Variants in ENAH observed in about 807,000 individuals in gnomAD.
ENAH encodes the protein protein enabled homolog.
ENAH carries 23 observed loss-of-function variants against 78.7 expected under a neutral mutation model. The ratio of observed to expected loss-of-function variants is 0.29; its 90% CI spans 0.21 to 0.41. The LOEUF is 0.41. ENAH is among the 10% of genes least tolerant of loss of function. The pLI, the probability that ENAH is intolerant of heterozygous loss-of-function variation, is 1.00. For missense variants in ENAH, 544 were observed against 691.0 expected (o/e 0.79, Z 2.39); for synonymous variants, 226 against 241.0 (o/e 0.94, Z 0.58).
chr1:225,561,619 TTAAAA>T lies in ENAH; in HGVS notation c.171+5625_171+5629del, dbSNP rs140300660. On this transcript the variant is annotated intron_variant, in intron 2 of 13. Transcript: ENST00000366843. ...CCTGGCGACAGAGTGAGATTCCGTC[TTAAAA>T]TAAAATAAAATAAAATAAAATAAAA... Among the ~76,000 whole-genome samples, 926 of 125,858 alleles carry T rather than the reference TTAAAA, an allele frequency of 7.4e-3. 10 individuals are homozygous for T. The highest frequency in any genetic ancestry group is 0.025 in the African/African-American group (811 of 32,974). 82.6% of individuals were successfully genotyped at this position (125,858 alleles called of 152,430 possible).
At chr1:225,505,996 T>A (rs367597458) in intron 11 of ENAH, among the ~76,000 whole-genome samples, 24 of 139,418 alleles carry the variant, frequency 1.7e-4, no homozygotes, top group Non-Finnish European at 1.6e-5. Context: ...AAAAAAAATC[T>A]TTTTTTCCCT....
At chr1:225,631,575 C>CAAAAAAAAAAAAAAAAAAAACAAAAAAAA (rs397939130) in intron 1 of ENAH, among the ~76,000 whole-genome samples, 1 of 71,458 alleles carries the variant, frequency 1.4e-5, no homozygotes, top group Non-Finnish European at 3.1e-5. Context: ...CACCATCTCT[C>CAAAAAAAAAAAAAAAAAAAACAAAAAAAA]AAAAAAAAAA....
intron 2 of ENAH, among the ~76,000 whole-genome samples, chr1:225,556,171 A>G (rs917188998): frequency 6.6e-6 from 1 of 152,190 alleles, no homozygotes; most frequent in African/African-American, 2.4e-5. Flanking sequence ...GATGTTATGA[A>G]CTTTCTACTG....
At chr1:225,598,835 T>C (rs1475782390) in intron 1 of ENAH, among the ~76,000 whole-genome samples, 1 of 149,476 alleles carries the variant, frequency 6.7e-6, no homozygotes, top group East Asian at 1.9e-4. Flanking sequence ...ACTACTATAA[T>C]AATATTTGAT....
chr1:225,619,205 C>T (rs566612908), intron 1 of ENAH, among the ~76,000 whole-genome samples: 11 of 152,008 alleles, frequency 7.2e-5, no homozygotes, highest in African/African-American at 2.7e-4. Context: ...TGTGATAAAT[C>T]CTGTTAAAAA....
chr1:225,527,587 T>C (rs924800745), intron 4 of ENAH, among the ~76,000 whole-genome samples: 3 of 152,162 alleles, frequency 2.0e-5, no homozygotes, highest in Non-Finnish European at 2.9e-5. Flanking sequence ...CAAAAACAGA[T>C]TGTACGGGAT....
In ENAH at chr1:225,497,192, G is replaced by A. The variant is rs763619724; in HGVS notation, c.*583C>T. The A allele has an allele frequency of 4.6e-5, 7 of 152,440 alleles. No homozygotes were observed. Among genetic ancestry groups the A allele is most frequent in the African/African-American group, 7.2e-5 (3 of 41,384 alleles). The allele number at this position is 152,440 out of a possible 1,614,324, so 9.4% of individuals were successfully genotyped here. On this transcript the variant is annotated 3_prime_UTR_variant, in exon 14 of 14. Coordinates refer to ENST00000366843, the MANE Select transcript of ENAH (RefSeq NM_018212.6). ...TTCTCAAGCTGAAGAAACATTTTTCGGACACTTTCTTATAAATATTACCCT... is the reference window on the plus strand; with the variant it reads ...TTCTCAAGCTGAAGAAACATTTTTCAGACACTTTCTTATAAATATTACCCT...
chr1:225,592,791 T>C (rs1302381897), intron 1 of ENAH, among the ~76,000 whole-genome samples: 2 of 151,524 alleles, frequency 1.3e-5, no homozygotes, highest in East Asian at 1.9e-4. Context: ...TCTTGGACAT[T>C]TGTGGCTGCA....
chr1:225,617,369 C>T (rs902022646), intron 1 of ENAH, among the ~76,000 whole-genome samples: 8 of 152,066 alleles, frequency 5.3e-5, no homozygotes, highest in African/African-American at 1.9e-4. Flanking sequence ...CCACAAAAGA[C>T]GTTCTAGTAC....
chr1:225,509,622 A>G (rs919235547), intron 10 of ENAH, among the ~76,000 whole-genome samples: 1 of 152,166 alleles, frequency 6.6e-6, no homozygotes, highest in Non-Finnish European at 1.5e-5. Flanking sequence ...TGGGAAAATC[A>G]CAAGTGCCAT....
At chr1:225,546,953 C>G (rs2096616994) in intron 3 of ENAH, among the ~76,000 whole-genome samples, 1 of 152,172 alleles carries the variant, frequency 6.6e-6, no homozygotes, top group Non-Finnish European at 1.5e-5. Context: ...TTACCTGTTT[C>G]TCCCAAAGTA....
intron 1 of ENAH, among the ~76,000 whole-genome samples, chr1:225,587,531 T>C (rs1436056744): frequency 1.3e-5 from 2 of 152,170 alleles, no homozygotes; most frequent in Admixed American, 6.5e-5. Context: ...ACATATACAA[T>C]GTTCATGGAT....
chr1:225,615,500 G>A (rs1374090435), intron 1 of ENAH, among the ~76,000 whole-genome samples: 2 of 152,108 alleles, frequency 1.3e-5, no homozygotes, highest in Admixed American at 6.5e-5. Flanking sequence ...CTGCCTGGCC[G>A]CCCATTGTCT....
chr1:225,592,294 C>G (rs1483359857), intron 1 of ENAH, among the ~76,000 whole-genome samples: 3 of 152,198 alleles, frequency 2.0e-5, no homozygotes, highest in Non-Finnish European at 4.4e-5. Flanking sequence ...CTGACCAATA[C>G]AAGAATCTAA....
intron 1 of ENAH, among the ~76,000 whole-genome samples, chr1:225,575,124 C>T (rs555429907): frequency 1.3e-5 from 2 of 148,298 alleles, no homozygotes; most frequent in South Asian, 2.1e-4. Flanking sequence ...CAGAATCCTC[C>T]GTGACCCTCA....
chr1:225,562,601 A>AAC lies in ENAH; in HGVS notation c.171+4646_171+4647dup, dbSNP rs761538927. ...AAAAAAAAAAAAAAAAAAAAAAAAA[A>AAC]ACACACCCAAGCATAGTACCCATAA... On this transcript the variant is annotated intron_variant, in intron 2 of 13. Coordinates refer to ENST00000366843, the MANE Select transcript of ENAH (RefSeq NM_018212.6). 4.2e-3 allele frequency among the ~76,000 whole-genome samples: 564 copies of AAC among 133,372 alleles called. 16 individuals are homozygous for AAC. Among genetic ancestry groups the AAC allele is most frequent in the Non-Finnish European group, 6.3e-3 (396 of 62,648 alleles). The allele number at this position is 133,372 out of a possible 152,430, so 87.5% of individuals were successfully genotyped here.
Position 225,640,056 on chromosome 1 carries a change from CAGG to C in ENAH, c.5+12627_5+12629del, listed in dbSNP as rs529235980. ...GGAGAACTAACAAAGATGAGATTACCAGGAGGTCAAAAGAAAATCTGAAAATCA... is the reference window on the plus strand; with the variant it reads ...GGAGAACTAACAAAGATGAGATTACCAGGTCAAAAGAAAATCTGAAAATCA... On this transcript the variant is annotated intron_variant, in intron 1 of 13. Coordinates refer to ENST00000366843, the MANE Select transcript of ENAH (RefSeq NM_018212.6). Among the ~76,000 whole-genome samples, 166 of 152,094 alleles carry C rather than the reference CAGG, an allele frequency of 1.1e-3. 2 individuals are homozygous for C. Among genetic ancestry groups the C allele is most frequent in the African/African-American group, 3.9e-3 (163 of 41,484 alleles).
At chr1:225,598,465 G>C (rs1418304398) in intron 1 of ENAH, among the ~76,000 whole-genome samples, 1 of 151,828 alleles carries the variant, frequency 6.6e-6, no homozygotes, top group East Asian at 1.9e-4. Flanking sequence ...GACTGGGTGA[G>C]GGGAGACCTC....
chr1:225,516,518 A>G (rs2096418235), intron 6 of ENAH, among the ~76,000 whole-genome samples: 1 of 152,174 alleles, frequency 6.6e-6, no homozygotes, highest in Admixed American at 6.5e-5. Flanking sequence ...ATGAAGGAAA[A>G]CAATTTAGAT....
Sources: gnomAD v4.1 joint callset for allele counts (sites outside exome capture counted in the v4.1 genomes callset) on GRCh38, gnomAD v4.1.1 for gene constraint, MANE v1.5 for transcripts, NCBI Gene and HGNC (gene_info 2026-07-23, HGNC 2026-07-21) for gene names.